Variants in DARS1 observed in about 807,000 individuals in gnomAD.
DARS1 encodes the protein aspartate--tRNA ligase, cytoplasmic.
Under a neutral mutation model 68.8 loss-of-function variants are expected in DARS1, and 51 were observed. The ratio of observed to expected loss-of-function variants is 0.74; its 90% CI spans 0.59 to 0.94. DARS1 has a LOEUF of 0.94. Among genes scored for constraint, DARS1 ranks in the 40% least tolerant of loss-of-function variants. The pLI, the probability that DARS1 is intolerant of heterozygous loss-of-function variation, is 0.00. For synonymous variants in DARS1, 203 were observed against 190.4 expected (o/e 1.07, Z -0.55); for missense variants, 607 against 597.3 (o/e 1.02, Z -0.17).
chr2:135,966,210 T>C (rs893160617), intron 3 of DARS1, among the ~76,000 whole-genome samples: 4 of 151,704 alleles, frequency 2.6e-5, no homozygotes, highest in Non-Finnish European at 5.9e-5. Context: ...GAAAGAACAG[T>C]GGCTATTTTG....
intron 6 of DARS1, 45 bp downstream of exon 6, chr2:135,933,865 T>A: frequency 6.3e-7 from 1 of 1,582,812 alleles, no homozygotes; most frequent in Non-Finnish European, 8.6e-7. Context: ...TTTTGCAAAC[T>A]AAATATACAG....
chr2:135,944,824 A>G (rs1164305777), intron 4 of DARS1, among the ~76,000 whole-genome samples: 3 of 152,328 alleles, frequency 2.0e-5, no homozygotes, highest in East Asian at 1.9e-4. Context: ...TCTATCTTCA[A>G]TTTGACTGCC....
intron 15 of DARS1, among the ~76,000 whole-genome samples, chr2:135,908,789 G>C (rs148201754): frequency 1.2e-4 from 18 of 152,148 alleles, no homozygotes; most frequent in African/African-American, 4.1e-4. Flanking sequence ...TTGTAAATTT[G>C]TTTAAGTTCC....
At chr2:135,983,522 A>G (rs1306104225) in intron 1 of DARS1, 68 bp from the exon 2 acceptor site, 1 of 644,812 alleles carries the variant, frequency 1.6e-6, no homozygotes, top group African/African-American at 1.9e-5. Context: ...ACACATAAAT[A>G]CTAATAATAG....
At chr2:135,941,458 G>T (rs1353369088) in intron 5 of DARS1, among the ~76,000 whole-genome samples, 2 of 152,088 alleles carry the variant, frequency 1.3e-5, no homozygotes, top group South Asian at 4.1e-4. Flanking sequence ...CTAGCCATAT[G>T]TAGAAAGCTG....
Position 135,979,268 on chromosome 2 carries a change from TC to T in DARS1, c.217+5del. ...GAAAGAGCTTTAATAATGAAACCAATCCTACCTTTAGCTCTGCTTGTATGAA... is the reference window on the plus strand; with the variant it reads ...GAAAGAGCTTTAATAATGAAACCAATCTACCTTTAGCTCTGCTTGTATGAA... On this transcript the variant is annotated splice_donor_5th_base_variant and intron_variant, in intron 3 of 15. Coordinates refer to ENST00000264161, the MANE Select transcript of DARS1 (RefSeq NM_001349.4). 1 of 1,215,522 alleles carries T rather than the reference TC, an allele frequency of 8.2e-7. No homozygotes were observed. The highest frequency in any genetic ancestry group is 1.2e-6 in the Non-Finnish European group (1 of 818,072). 75.3% of individuals were successfully genotyped at this position (1,215,522 alleles called of 1,614,324 possible).
intron 5 of DARS1, among the ~76,000 whole-genome samples, chr2:135,938,295 G>C (rs1184921302): frequency 1.3e-5 from 2 of 152,132 alleles, no homozygotes; most frequent in East Asian, 3.8e-4. Context: ...ACTGAAGCTT[G>C]TGCATGCATC....
At chr2:135,952,344 C>T (rs1681856837) in intron 4 of DARS1, among the ~76,000 whole-genome samples, 1 of 152,026 alleles carries the variant, frequency 6.6e-6, no homozygotes, top group African/African-American at 2.4e-5. Flanking sequence ...CATATATGTA[C>T]ACATCGTGTA....
At chr2:135,936,368 C>T (rs1363314663) in intron 5 of DARS1, among the ~76,000 whole-genome samples, 2 of 151,902 alleles carry the variant, frequency 1.3e-5, no homozygotes, top group African/African-American at 2.4e-5. Context: ...AGTAAAAAAA[C>T]AGAAATATAT....
chr2:135,935,586 C>T (rs1001098622), intron 5 of DARS1, among the ~76,000 whole-genome samples: 12 of 152,016 alleles, frequency 7.9e-5, no homozygotes, highest in East Asian at 5.8e-4. Context: ...GGTGACACAG[C>T]GAGACTCTGT....
chr2:135,922,860 G>C lies in DARS1; in HGVS notation c.735C>G (p.Tyr245Ter), dbSNP rs773846868. The C allele has an allele frequency of 1.9e-6, 3 of 1,584,982 alleles. No individual in the cohort carries two copies. Among genetic ancestry groups the C allele is most frequent in the Non-Finnish European group, 2.6e-6 (3 of 1,166,770 alleles). ...FTVSYFKNNA[Y>*]LAQSPQLYKQ... ...TATATAGCTGTGGGGACTGAGCCAG[G>C]TATGCATTATTTTTAAAATATGACA... The change falls in exon 9 of 16, where the codon TAC (tyrosine) becomes TAG (stop). Residue 245 changes from tyrosine to a stop codon, truncating the protein, a stop_gained. Coordinates refer to ENST00000264161, the MANE Select transcript of DARS1 (RefSeq NM_001349.4). LOFTEE classifies it high-confidence loss of function.
chr2:135,958,505 G>A lies in DARS1; in HGVS notation c.320+2891C>T, dbSNP rs540513324. Among the ~76,000 whole-genome samples the A allele has an allele frequency of 1.1e-3, 163 of 152,244 alleles. 1 individual carries two copies. The highest frequency in any genetic ancestry group is 3.8e-3 in the African/African-American group (159 of 41,544). On this transcript the variant is annotated intron_variant, in intron 4 of 15. Coordinates refer to ENST00000264161, the MANE Select transcript of DARS1 (RefSeq NM_001349.4). ...AAAAAAGTTCTAAAAAGTTCTTGCC[G>A]AAGTCTAAAAGTAGACTTCTCCTAC...
In DARS1 at chr2:135,981,386, C is replaced by T. The variant is rs143364075; in HGVS notation, c.124+2011G>A. 1.9e-4 allele frequency among the ~76,000 whole-genome samples: 29 copies of T among 152,220 alleles called. No individual in the cohort carries two copies. In the East Asian group the frequency reaches 5.6e-3, roughly 29 times the overall value. On this transcript the variant is annotated intron_variant, in intron 2 of 15. Coordinates refer to ENST00000264161, the MANE Select transcript of DARS1 (RefSeq NM_001349.4). ...TCCCCTATACTCTATTGCTCATAGT[C>T]TATTTTACATAGGTTGAGCATTCCT... is the stretch of plus-strand genomic sequence containing the variant.
At chr2:135,917,310 A>T (rs1272780873) in intron 10 of DARS1, among the ~76,000 whole-genome samples, 2 of 152,230 alleles carry the variant, frequency 1.3e-5, no homozygotes, top group Admixed American at 1.3e-4. Context: ...AAACTGGTTG[A>T]TGAGTTCATG....
Position 135,912,502 on chromosome 2 carries a change from G to C in DARS1, c.1214C>G (p.Pro405Arg), listed in dbSNP as rs1253887076. The change falls in exon 13 of 16, where the codon CCT (proline) becomes CGT (arginine). Residue 405 changes from proline to arginine, a missense_variant. Pro to Arg is a moderately radical substitution (Grantham distance 103, BLOSUM62 -2). Transcript: ENST00000264161. The part of the protein sequence containing the change: ...PLAVRPFYTM[P>R]DPRNPKQSNS... ...ATTACTTACGGGATTTCTTGGGTCAGGCATGGTATAGAAAGGTCTTACAGC... is the reference window on the plus strand; with the variant it reads ...ATTACTTACGGGATTTCTTGGGTCACGCATGGTATAGAAAGGTCTTACAGC... 1 of 1,103,346 alleles carries C rather than the reference G, an allele frequency of 9.1e-7. No homozygotes were observed. The highest frequency in any genetic ancestry group is 1.4e-6 in the Non-Finnish European group (1 of 731,286). The allele number at this position is 1,103,346 out of a possible 1,614,324, so 68.3% of individuals were successfully genotyped here. A position where few individuals can be genotyped will look rare whatever the true frequency, so the allele number is the denominator to read the frequency against.
chr2:135,936,744 CAA>C (rs1204047355), intron 5 of DARS1, among the ~76,000 whole-genome samples: 2 of 152,124 alleles, frequency 1.3e-5, no homozygotes, highest in Non-Finnish European at 2.9e-5. Flanking sequence ...ACAAAGACAA[CAA>C]AGTCATTTGT....
chr2:135,979,505 T>C (rs1470457732), intron 2 of DARS1, 139 bp from the exon 3 acceptor site: 4 of 602,258 alleles, frequency 6.6e-6, no homozygotes, highest in Non-Finnish European at 8.8e-6. Flanking sequence ...GACAACACTG[T>C]CTTCTCTATC....
At chr2:135,947,822 T>C (rs1252415316) in intron 4 of DARS1, among the ~76,000 whole-genome samples, 1 of 146,824 alleles carries the variant, frequency 6.8e-6, no homozygotes, top group Non-Finnish European at 1.5e-5. Context: ...ATAGTTTCTG[T>C]GAAAAAAAAA....
intron 2 of DARS1, among the ~76,000 whole-genome samples, chr2:135,981,123 G>T (rs1000518704): frequency 3.3e-5 from 5 of 152,190 alleles, no homozygotes; most frequent in Non-Finnish European, 7.4e-5. Flanking sequence ...ACCAAAGGCC[G>T]AATTTTACAT....
Sources: allele counts gnomAD v4.1 joint callset (sites outside exome capture counted in the v4.1 genomes callset), GRCh38; gene constraint gnomAD v4.1.1; transcripts MANE v1.5; gene names NCBI Gene and HGNC (gene_info 2026-07-23, HGNC 2026-07-21).